CSMD1: variants seen among roughly 807,000 people sequenced by gnomAD.
The protein encoded by CSMD1 is CUB and Sushi multiple domains 1, also known as CUB and sushi domain-containing protein 1.
A neutral mutation model predicts 417.5 loss-of-function variants in CSMD1; 213 were observed. The observed-to-expected ratio is 0.51, with a 90% CI of 0.46 to 0.57. CSMD1 has a LOEUF of 0.57. CSMD1 is among the 20% of genes least tolerant of loss of function. CSMD1 has a pLI of 0.00. For missense variants in CSMD1, 6,923 were observed against 4,529.7 expected (o/e 1.53, Z -15.17); for synonymous variants, 2,862 against 1,736.8 (o/e 1.65, Z -16.11).
intron 10 of CSMD1, among the ~76,000 whole-genome samples, chr8:3,550,967 C>T (rs1453915350): frequency 6.6e-6 from 1 of 151,482 alleles, no homozygotes; most frequent in Non-Finnish European, 1.5e-5. Flanking sequence ...CACTACTCAA[C>T]TTGAAGTGAA....
intron 7 of CSMD1, among the ~76,000 whole-genome samples, chr8:3,618,606 C>T (rs1320677194): frequency 1.3e-5 from 2 of 151,898 alleles, no homozygotes; most frequent in African/African-American, 4.8e-5. Context: ...GTGATAGCAT[C>T]AGTAGATAGT....
intron 3 of CSMD1, among the ~76,000 whole-genome samples, chr8:4,074,446 G>T (rs182406857): frequency 9.3e-4 from 141 of 152,092 alleles, no homozygotes; most frequent in African/African-American, 3.3e-3. Flanking sequence ...TTTACTTTCA[G>T]AGAAGCATTT....
intron 4 of CSMD1, among the ~76,000 whole-genome samples, chr8:4,018,949 C>T (rs1796653903): frequency 6.6e-6 from 1 of 152,146 alleles, no homozygotes; most frequent in African/African-American, 2.4e-5. Context: ...GGCATGTAAA[C>T]ATTGTCTGAC....
intron 26 of CSMD1, among the ~76,000 whole-genome samples, chr8:3,259,006 C>T (rs997035700): frequency 2.0e-5 from 3 of 152,108 alleles, no homozygotes; most frequent in Non-Finnish European, 4.4e-5. Flanking sequence ...GGCTTAATAG[C>T]TGGGTGATGA....
intron 2 of CSMD1, among the ~76,000 whole-genome samples, chr8:4,574,701 C>A (rs1799054574): frequency 6.6e-6 from 1 of 152,170 alleles, no homozygotes; most frequent in African/African-American, 2.4e-5. Context: ...GTGGGGAAAA[C>A]TGTCTTCTTT....
intron 3 of CSMD1, among the ~76,000 whole-genome samples, chr8:4,034,714 G>A (rs1021536935): frequency 1.3e-5 from 2 of 152,112 alleles, no homozygotes; most frequent in African/African-American, 2.4e-5. Context: ...AAAGCTTTTT[G>A]ATGTTTTTCT....
intron 3 of CSMD1, among the ~76,000 whole-genome samples, chr8:4,274,794 T>C (rs1796380462): frequency 6.6e-6 from 1 of 152,092 alleles, no homozygotes; most frequent in South Asian, 2.1e-4. Flanking sequence ...CTTGGAAAAA[T>C]ATTGCCACCC....
At chr8:3,735,757 C>A (rs1163708472) in intron 6 of CSMD1, among the ~76,000 whole-genome samples, 2 of 152,214 alleles carry the variant, frequency 1.3e-5, no homozygotes, top group Non-Finnish European at 2.9e-5. Context: ...CTAGCCTTTA[C>A]AATGTTGCTG....
chr8:3,927,449 A>C (rs779802957), intron 5 of CSMD1, among the ~76,000 whole-genome samples: 18 of 151,898 alleles, frequency 1.2e-4, no homozygotes, highest in Non-Finnish European at 2.4e-4. Context: ...GGTGGATCAC[A>C]AGGTCAGGAG....
In CSMD1 at chr8:3,420,049, G is replaced by A. The variant is rs145693744; in HGVS notation, c.1562-10444C>T. 8.4e-3 allele frequency among the ~76,000 whole-genome samples: 1,283 copies of A among 151,852 alleles called. 19 individuals are homozygous for A. The highest frequency in any genetic ancestry group is 0.029 in the African/African-American group (1,190 of 41,392). On this transcript the variant is annotated intron_variant, in intron 12 of 69. Transcript: ENST00000635120. ...TGCACAGTGCCTAAATAGAGCCCAG[G>A]GTATATTAAGTTCTATCTCTTTGCT...
chr8:4,079,819 G>C (rs1800028229), intron 3 of CSMD1, among the ~76,000 whole-genome samples: 1 of 152,092 alleles, frequency 6.6e-6, no homozygotes, highest in South Asian at 2.1e-4. Flanking sequence ...GACATCACGA[G>C]AGAAAACAGT....
chr8:4,039,830 T>C (rs180777342), intron 3 of CSMD1, among the ~76,000 whole-genome samples: 5 of 152,290 alleles, frequency 3.3e-5, no homozygotes, highest in East Asian at 1.9e-4. Flanking sequence ...TGGCATCAAA[T>C]AGATTTGGGT....
chr8:4,037,183 G>C (rs1409475589), intron 3 of CSMD1, among the ~76,000 whole-genome samples: 1 of 152,328 alleles, frequency 6.6e-6, no homozygotes, highest in African/African-American at 2.4e-5. Context: ...TATTAGAAGT[G>C]TTTTGATCTT....
At chr8:4,514,431 A>G (rs1279750469) in intron 2 of CSMD1, among the ~76,000 whole-genome samples, 5 of 152,180 alleles carry the variant, frequency 3.3e-5, no homozygotes, top group South Asian at 2.1e-4. Context: ...TCTGAATGCC[A>G]CAGGAAAAGC....
chr8:4,329,108 C>G (rs536115414), intron 3 of CSMD1, among the ~76,000 whole-genome samples: 1 of 152,168 alleles, frequency 6.6e-6, no homozygotes, highest in Non-Finnish European at 1.5e-5. Flanking sequence ...TGTATTGCGT[C>G]TACAGACTGT....
At chr8:3,245,007 C>G (rs1020469085) in intron 26 of CSMD1, among the ~76,000 whole-genome samples, 1 of 152,174 alleles carries the variant, frequency 6.6e-6, no homozygotes. Context: ...GAGGGAGATT[C>G]TGAATTTGGT....
At chr8:3,039,277 C>A (rs1207616040) in intron 50 of CSMD1, among the ~76,000 whole-genome samples, 1 of 122,106 alleles carries the variant, frequency 8.2e-6, no homozygotes. Flanking sequence ...TTGACCCTTC[C>A]TTCCTTCTTT....
intron 3 of CSMD1, among the ~76,000 whole-genome samples, chr8:4,305,248 T>G (rs1354370113): frequency 6.6e-6 from 1 of 152,214 alleles, no homozygotes; most frequent in East Asian, 1.9e-4. Flanking sequence ...GAGGCTTAGC[T>G]AAATCGGCCA....
chr8:3,564,543 G>GTGTGTGTGTGTGTGTGTT (rs1799615761), intron 10 of CSMD1, among the ~76,000 whole-genome samples: 2 of 151,520 alleles, frequency 1.3e-5, no homozygotes, highest in South Asian at 2.1e-4. Flanking sequence ...GTGTGTGTGT[G>GTGTGTGTGTGTGTGTGTT]TGTGTGTATA....
Sources: gnomAD v4.1 joint callset for allele counts (sites outside exome capture counted in the v4.1 genomes callset) on GRCh38, gnomAD v4.1.1 for gene constraint, MANE v1.5 for transcripts, NCBI Gene and HGNC (gene_info 2026-07-23, HGNC 2026-07-21) for gene names.